GNG2: variants seen among roughly 807,000 people sequenced by gnomAD.
The protein encoded by GNG2 is G protein subunit gamma 2, also known as guanine nucleotide-binding protein G(I)/G(S)/G(O) subunit gamma-2.
GNG2 carries 5 observed loss-of-function variants against 5.5 expected under a neutral mutation model. The ratio of observed to expected loss-of-function variants is 0.91; its 90% confidence interval spans 0.48 to 1.92. The LOEUF (loss-of-function observed/expected upper bound fraction) is 1.92. Among genes scored for constraint, GNG2 ranks in the 30% most tolerant of loss-of-function variants. GNG2 has a pLI of 0.01. For missense variants in GNG2, 55 were observed against 88.4 expected (o/e 0.62, Z 1.52); for synonymous variants, 28 against 32.0 (o/e 0.88, Z 0.42).
intron 2 of GNG2, among the ~76,000 whole-genome samples, chr14:51,848,040 C>T (rs947753578): frequency 6.6e-6 from 1 of 151,984 alleles, no homozygotes; most frequent in South Asian, 2.1e-4. Flanking sequence ...GCCCCCTCCA[C>T]TCTCTTGAGT....
chr14:51,872,489 T>G (rs928163200), intron 1 of GNG2, among the ~76,000 whole-genome samples: 7 of 152,204 alleles, frequency 4.6e-5, no homozygotes, highest in African/African-American at 1.7e-4. Flanking sequence ...TTTTTGTTGT[T>G]GTTTGAGGGA....
intron 2 of GNG2, among the ~76,000 whole-genome samples, chr14:51,849,983 A>G (rs1370514714): frequency 6.6e-6 from 1 of 152,146 alleles, no homozygotes; most frequent in East Asian, 1.9e-4. Flanking sequence ...CTAATAAAAA[A>G]TAAATGCTTT....
At chr14:51,836,961 G>A (rs1013114288) in intron 2 of GNG2, among the ~76,000 whole-genome samples, 4 of 149,756 alleles carry the variant, frequency 2.7e-5, no homozygotes, top group Middle Eastern at 6.8e-3. Context: ...GGGTTCAAGC[G>A]ATTCTCCTGC....
At chr14:51,874,106 T>G (rs1347879627) in intron 1 of GNG2, 3 of 152,188 alleles carry the variant, frequency 2.0e-5, no homozygotes, top group Non-Finnish European at 4.4e-5. Flanking sequence ...CACAAATCTG[T>G]TTTTAAGACT....
chr14:51,873,987 G>A (rs550574375), intron 1 of GNG2: 2 of 152,256 alleles, frequency 1.3e-5, no homozygotes, highest in East Asian at 3.9e-4. Context: ...ACTACTCCAG[G>A]GGAAAATAAA....
At chr14:51,857,578 G>C (rs1340058042), upstream of GNG2, among the ~76,000 whole-genome samples, 1 of 152,184 alleles carries the variant, frequency 6.6e-6, no homozygotes, top group Non-Finnish European at 1.5e-5. Flanking sequence ...GCTTCGAAGA[G>C]AGACTGGAGG....
In GNG2 at chr14:51,837,642, G is replaced by A. The variant is rs948418238; in HGVS notation, c.64+9835G>A. ...AGCCTGGGTGACAGGGTGAGACTCC[G>A]TTTCAAAAAAAAAAAAAAAAGTATG... On this transcript the variant is annotated intron_variant, in intron 2 of 3. Transcript: ENST00000553432. 1.2e-4 allele frequency among the ~76,000 whole-genome samples: 13 copies of A among 105,864 alleles called. No individual in the cohort carries two copies. The East Asian group carries it at 2.4e-3, about 20-fold the overall frequency. The allele number at this position is 105,864 out of a possible 152,430, so 69.5% of individuals were successfully genotyped here.
intron 2 of GNG2, among the ~76,000 whole-genome samples, chr14:51,924,849 C>G (rs1026538121): frequency 6.6e-5 from 10 of 152,230 alleles, no homozygotes; most frequent in African/African-American, 2.4e-4. Context: ...TGCCTGTCAT[C>G]TCTGCTCTTG....
intron 1 of GNG2, among the ~76,000 whole-genome samples, chr14:51,871,296 T>C (rs901395780): frequency 7.2e-6 from 1 of 139,256 alleles, no homozygotes; most frequent in Non-Finnish European, 1.6e-5. Flanking sequence ...AAAATTAAAA[T>C]AAGAAAAATT....
At chr14:51,826,531 G>A (rs184758813) in intron 1 of GNG2, among the ~76,000 whole-genome samples, 1 of 152,270 alleles carries the variant, frequency 6.6e-6, no homozygotes, top group Non-Finnish European at 1.5e-5. Flanking sequence ...ACCCCACCTC[G>A]TGAGTATTGA....
At chr14:51,882,010 C>A (rs1157965187) in intron 2 of GNG2, among the ~76,000 whole-genome samples, 1 of 152,050 alleles carries the variant, frequency 6.6e-6, no homozygotes, top group Non-Finnish European at 1.5e-5. Flanking sequence ...TTTTGTGAAT[C>A]AACAAGTTGC....
chr14:51,884,011 T>TC (rs1285524819), intron 2 of GNG2, among the ~76,000 whole-genome samples: 1 of 152,146 alleles, frequency 6.6e-6, no homozygotes, highest in African/African-American at 2.4e-5. Flanking sequence ...AGCGTTTTTT[T>TC]CCCACCAACT....
At chr14:51,926,892 CAAT>C (rs1269402254) in intron 2 of GNG2, among the ~76,000 whole-genome samples, 2 of 152,142 alleles carry the variant, frequency 1.3e-5, no homozygotes, top group African/African-American at 2.4e-5. Flanking sequence ...AGCCCTACAA[CAAT>C]GTTTTGTCTT....
chr14:51,958,843 G>A (rs1889432901), intron 3 of GNG2, among the ~76,000 whole-genome samples: 1 of 152,116 alleles, frequency 6.6e-6, no homozygotes, highest in Non-Finnish European at 1.5e-5. Flanking sequence ...AATTGTCCAG[G>A]AAGAAGAAGG....
chr14:51,863,589 G>A lies in GNG2; in HGVS notation c.-71+2799G>A, dbSNP rs116529690. 2.9e-3 allele frequency among the ~76,000 whole-genome samples: 434 copies of A among 152,116 alleles called. 5 individuals are homozygous for A. Among genetic ancestry groups the A allele is most frequent in the African/African-American group, 9.9e-3 (410 of 41,472 alleles). ...TTTAAGTATGCAGTTCTGTGGTAGC[G>A]AGTACATTGATGTGCTGTCATCACC... On this transcript the variant is annotated intron_variant, in intron 1 of 3. Coordinates refer to ENST00000556766, the MANE Select transcript of GNG2 (RefSeq NM_053064.5).
At chr14:51,918,974 T>G (rs1462191701) in intron 2 of GNG2, among the ~76,000 whole-genome samples, 1 of 152,104 alleles carries the variant, frequency 6.6e-6, no homozygotes, top group Non-Finnish European at 1.5e-5. Flanking sequence ...TACAGGCATG[T>G]GCCACCACGC....
chr14:51,894,133 T>C (rs372807608), intron 2 of GNG2, among the ~76,000 whole-genome samples: 1 of 152,126 alleles, frequency 6.6e-6, no homozygotes, highest in Non-Finnish European at 1.5e-5. Flanking sequence ...AAAACAACCA[T>C]TGAGATTCCA....
At chr14:51,917,720 C>T (rs1886733670) in intron 2 of GNG2, among the ~76,000 whole-genome samples, 1 of 151,994 alleles carries the variant, frequency 6.6e-6, no homozygotes, top group Non-Finnish European at 1.5e-5. Flanking sequence ...TATTAAGCAT[C>T]AGAAACACTG....
chr14:51,869,627 C>T (rs1883167407), intron 1 of GNG2, among the ~76,000 whole-genome samples: 1 of 152,158 alleles, frequency 6.6e-6, no homozygotes, highest in Non-Finnish European at 1.5e-5. Flanking sequence ...GATCCTTTCA[C>T]CTCAGCCTCC....
Sources: allele counts gnomAD v4.1 joint callset (sites outside exome capture counted in the v4.1 genomes callset), GRCh38; gene constraint gnomAD v4.1.1; transcripts MANE v1.5; gene names NCBI Gene and HGNC (gene_info 2026-07-23, HGNC 2026-07-21).